RIMBP2: variants seen among roughly 807,000 people sequenced by gnomAD.
RIMBP2 encodes RIMS binding protein 2.
RIMBP2 carries 48 observed loss-of-function variants against 118.6 expected under a neutral mutation model. That is an observed-to-expected ratio of 0.40 (90% CI 0.32 to 0.51). The LOEUF (loss-of-function observed/expected upper bound fraction) is 0.51, where lower values mean the gene tolerates loss of function less well. Among genes scored for constraint, RIMBP2 ranks in the 20% least tolerant of loss-of-function variants. RIMBP2 has a pLI of 0.41. For missense variants in RIMBP2, 1,551 were observed against 1,768.3 expected (o/e 0.88, Z 2.20); for synonymous variants, 762 against 742.9 (o/e 1.03, Z -0.42).
At chr12:130,579,249 T>C (rs2058299388) in intron 2 of RIMBP2, among the ~76,000 whole-genome samples, 1 of 152,206 alleles carries the variant, frequency 6.6e-6, no homozygotes, top group African/African-American at 2.4e-5. Context: ...TCACAGTGGC[T>C]GGCCTTTTCT....
chr12:130,415,445 C>T (rs1369336493), intron 17 of RIMBP2, among the ~76,000 whole-genome samples: 2 of 152,184 alleles, frequency 1.3e-5, no homozygotes, highest in Non-Finnish European at 2.9e-5. Context: ...CAGCCAATAT[C>T]ATATTGAACA....
chr12:130,688,268 C>G lies in RIMBP2; in HGVS notation c.-352+27954G>C, dbSNP rs1366096623. On this transcript the variant is annotated intron_variant, in intron 1 of 22. Transcript: ENST00000690449. The surrounding 1 kb of genome is among the most constrained non-coding windows in gnomAD (Gnocchi z 4.7). ...CGTGCCCAGCTCTGCACCATGGGCA[C>G]CCGGCAGACCCTCCTGCTGTTTCTG... is the stretch of plus-strand genomic sequence containing the variant. 6.6e-6 allele frequency among the ~76,000 whole-genome samples: 1 copy of G among 152,102 alleles called. No individual in the cohort carries two copies. Among genetic ancestry groups the G allele is most frequent in the Non-Finnish European group, 1.5e-5 (1 of 68,030 alleles).
intron 2 of RIMBP2, among the ~76,000 whole-genome samples, chr12:130,618,914 G>C (rs149797818): frequency 6.6e-6 from 1 of 152,222 alleles, no homozygotes; most frequent in African/African-American, 2.4e-5. Context: ...GGGAGGAAGA[G>C]AGGACGAATG....
intron 2 of RIMBP2, among the ~76,000 whole-genome samples, chr12:130,610,852 G>A (rs1038228680): frequency 8.5e-5 from 13 of 152,178 alleles, no homozygotes; most frequent in Non-Finnish European, 1.2e-4. Flanking sequence ...GAGCCACCGC[G>A]CCCGGCCATT....
chr12:130,500,998 C>G (rs1471565651), intron 4 of RIMBP2, among the ~76,000 whole-genome samples: 1 of 152,162 alleles, frequency 6.6e-6, no homozygotes, highest in Non-Finnish European at 1.5e-5. Flanking sequence ...ACCCGAGCAT[C>G]CAGGGGTCAC....
intron 1 of RIMBP2, among the ~76,000 whole-genome samples, chr12:130,686,880 G>A (rs1462227069): frequency 1.3e-5 from 2 of 152,246 alleles, no homozygotes; most frequent in Admixed American, 1.3e-4. Flanking sequence ...GAGCCCAGAA[G>A]GCAGCGGGGA....
At chr12:130,577,428 G>A (rs1336782242) in intron 2 of RIMBP2, among the ~76,000 whole-genome samples, 1 of 152,170 alleles carries the variant, frequency 6.6e-6, no homozygotes, top group Admixed American at 6.5e-5. Context: ...GGCTGGGGAG[G>A]CCTCAGGAAA....
chr12:130,471,146 G>A (rs1484746625), intron 5 of RIMBP2, among the ~76,000 whole-genome samples: 3 of 152,248 alleles, frequency 2.0e-5, no homozygotes, highest in African/African-American at 4.8e-5. Context: ...CCCTGGAGGA[G>A]GGGCCGGGGC....
intron 1 of RIMBP2, among the ~76,000 whole-genome samples, chr12:130,663,068 G>A (rs1396724039): frequency 1.3e-5 from 2 of 152,218 alleles, no homozygotes; most frequent in Non-Finnish European, 2.9e-5. Flanking sequence ...GTTCCCACGT[G>A]CGGCCAAGTT....
chr12:130,563,524 A>C (rs1373313678), intron 2 of RIMBP2, among the ~76,000 whole-genome samples: 1 of 152,274 alleles, frequency 6.6e-6, no homozygotes, highest in Non-Finnish European at 1.5e-5. Flanking sequence ...TAGGGAATCA[A>C]GTATGAAAAC....
intron 4 of RIMBP2, among the ~76,000 whole-genome samples, chr12:130,486,727 C>T (rs1332585415): frequency 6.6e-6 from 1 of 151,448 alleles, no homozygotes; most frequent in Non-Finnish European, 1.5e-5. Context: ...AAAAAACCTC[C>T]CAATTTAAAA....
chr12:130,703,587 C>T lies in RIMBP2; in HGVS notation c.-352+12635G>A, dbSNP rs1022296451. 2.0e-5 allele frequency among the ~76,000 whole-genome samples: 3 copies of T among 152,176 alleles called. No homozygotes were observed. Among genetic ancestry groups the T allele is most frequent in the Non-Finnish European group, 2.9e-5 (2 of 68,022 alleles). ...CCCTGGCATGGGCTCCATCAGATCC[C>T]GTAATCGGATCCGGGCGCTTTAGCC... On this transcript the variant is annotated intron_variant, in intron 1 of 22. Transcript: ENST00000690449. This position sits in a 1 kb window ranked among gnomAD's most constrained non-coding sequence, Gnocchi z 5.7.
At chr12:130,401,573 T>A (rs113623408) in intron 21 of RIMBP2, among the ~76,000 whole-genome samples, 1,904 of 151,932 alleles carry the variant, frequency 0.013, 40 homozygotes, top group African/African-American at 0.043. Flanking sequence ...GGTCCTACTC[T>A]TATTTACCTG....
rs1056540510 is a variant in RIMBP2 at position 130,525,361 on chromosome 12, G to A, written c.-216-7444C>T. Among the ~76,000 whole-genome samples, 4 of 152,192 alleles carry A rather than the reference G, an allele frequency of 2.6e-5. No homozygotes were observed. Among genetic ancestry groups the A allele is most frequent in the African/African-American group, 9.7e-5 (4 of 41,436 alleles). On this transcript the variant is annotated intron_variant, in intron 2 of 22. Transcript: ENST00000690449. This position sits in a 1 kb window ranked among gnomAD's most constrained non-coding sequence, Gnocchi z 4.4. ...TAAGCAGAGGGCAGCATCAATGGGTGGGAGATAAAGAGGAAGAGGGAGGAG... is the reference window on the plus strand; with the variant it reads ...TAAGCAGAGGGCAGCATCAATGGGTAGGAGATAAAGAGGAAGAGGGAGGAG...
chr12:130,650,355 T>G (rs1051063826), intron 1 of RIMBP2, among the ~76,000 whole-genome samples: 2 of 152,260 alleles, frequency 1.3e-5, no homozygotes, highest in African/African-American at 4.8e-5. Flanking sequence ...CCTGGGGCTC[T>G]AAATAGAACT....
intron 2 of RIMBP2, among the ~76,000 whole-genome samples, chr12:130,590,794 G>A (rs115941489): frequency 8.8e-4 from 134 of 152,272 alleles, no homozygotes; most frequent in African/African-American, 3.1e-3. Context: ...GAAAGCCCAG[G>A]ATGGCAAGGA....
intron 4 of RIMBP2, among the ~76,000 whole-genome samples, chr12:130,491,319 A>G (rs2048619297): frequency 6.6e-6 from 1 of 152,042 alleles, no homozygotes; most frequent in Non-Finnish European, 1.5e-5. Context: ...TCAAGCCAGG[A>G]TTTGCACCTA....
At chr12:130,403,661 CTT>C (rs1272920851) in intron 21 of RIMBP2, among the ~76,000 whole-genome samples, 1 of 141,270 alleles carries the variant, frequency 7.1e-6, no homozygotes, top group Non-Finnish European at 1.5e-5. Flanking sequence ...TGCTGTGTCA[CTT>C]AATCTCCTCT....
Position 130,664,893 on chromosome 12 carries a change from A to G in RIMBP2, c.-351-36437T>C, listed in dbSNP as rs1027575069. On this transcript the variant is annotated intron_variant, in intron 1 of 22. Coordinates refer to ENST00000690449, the MANE Select transcript of RIMBP2 (RefSeq NM_001393629.1). ...CGGGGCAGGGAAGGCTTTCCTGCCAAGGATGGGCCCATTCACAGAGGCCGG... is the reference window on the plus strand; with the variant it reads ...CGGGGCAGGGAAGGCTTTCCTGCCAGGGATGGGCCCATTCACAGAGGCCGG... 3.3e-5 allele frequency among the ~76,000 whole-genome samples: 5 copies of G among 151,844 alleles called. 1 individual carries two copies. Among genetic ancestry groups the G allele is most frequent in the African/African-American group, 1.2e-4 (5 of 41,086 alleles).
Sources: allele counts gnomAD v4.1 joint callset (sites outside exome capture counted in the v4.1 genomes callset), GRCh38; gene constraint gnomAD v4.1.1; non-coding constraint Gnocchi (gnomAD v3.1); transcripts MANE v1.5; gene names NCBI Gene and HGNC (gene_info 2026-07-23, HGNC 2026-07-21).